TENM1: variants seen among roughly 807,000 people sequenced by gnomAD.
TENM1 encodes teneurin transmembrane protein 1.
TENM1 carries 35 observed loss-of-function variants against 174.8 expected under a neutral mutation model. That is an observed-to-expected ratio of 0.20 (90% CI 0.15 to 0.27). The LOEUF is 0.27. Among genes scored for constraint, TENM1 ranks in the 10% least tolerant of loss-of-function variants. The pLI is 1.00. For missense variants in TENM1, 1,633 were observed against 2,130.1 expected (o/e 0.77, Z 4.59); for synonymous variants, 781 against 798.7 (o/e 0.98, Z 0.37).
the TENM1 span, among the ~76,000 whole-genome samples, chrX:125,083,608 C>CA: frequency 2.7e-5 from 3 of 110,553 alleles, no homozygotes; most frequent in East Asian, 5.7e-4. Flanking sequence ...TGAAAGATGC[C>CA]AAAAAACATG....
At position 124,532,627 on chromosome X, in the gene TENM1, T is replaced by C. The variant is rs544402876; in HGVS notation, c.2652-2644A>G. 6.2e-5 allele frequency among the ~76,000 whole-genome samples: 7 copies of C among 112,140 alleles called. No homozygotes were observed. In the East Asian group the frequency reaches 2.0e-3, roughly 31 times the overall value. On this transcript the variant is annotated intron_variant, in intron 15 of 31. Transcript: ENST00000422452. ...CTGTTCTTCTTTTCATTCATTTCAC[T>C]CTTCATCACTCATAAATAATGCTCA... is the stretch of plus-strand genomic sequence containing the variant.
At chrX:124,625,741 CT>C (rs2050621744) in intron 11 of TENM1, among the ~76,000 whole-genome samples, 1 of 110,477 alleles carries the variant, frequency 9.1e-6, no homozygotes, top group Non-Finnish European at 1.9e-5. Context: ...AGGCTGCACA[CT>C]TTTAAACAAG....
the TENM1 span, among the ~76,000 whole-genome samples, chrX:125,074,801 T>G: frequency 1.8e-5 from 2 of 111,318 alleles, no homozygotes; most frequent in Non-Finnish European, 3.8e-5. Flanking sequence ...ACTATTTTCC[T>G]ATTATTTCTT....
intron 3 of TENM1, among the ~76,000 whole-genome samples, chrX:124,749,071 AT>A (rs950141089): frequency 9.0e-6 from 1 of 110,853 alleles, no homozygotes; most frequent in Non-Finnish European, 1.9e-5. Flanking sequence ...ATTATAGTTG[AT>A]TTTTTTTCAC....
At chrX:125,171,874 C>T in the TENM1 span, among the ~76,000 whole-genome samples, 4 of 111,993 alleles carry the variant, frequency 3.6e-5, no homozygotes, top group Non-Finnish European at 1.9e-5. Context: ...TTTGTTCATA[C>T]TTCAAGTTCT....
At chrX:125,165,370 T>C in the TENM1 span, among the ~76,000 whole-genome samples, 2 of 112,134 alleles carry the variant, frequency 1.8e-5, no homozygotes, top group South Asian at 7.4e-4. Flanking sequence ...CACATGTATA[T>C]GCAGATCTGA....
At chrX:125,070,124 G>A in the TENM1 span, among the ~76,000 whole-genome samples, 1 of 109,724 alleles carries the variant, frequency 9.1e-6, no homozygotes, top group Admixed American at 9.8e-5. Flanking sequence ...TTAAAAATTC[G>A]AGGCTGTAGT....
chrX:124,880,981 G>C (rs993687778), intron 3 of TENM1, among the ~76,000 whole-genome samples: 3 of 111,706 alleles, frequency 2.7e-5, no homozygotes, highest in Non-Finnish European at 5.6e-5. Context: ...AGGGATATTG[G>C]CCTATAGCTT....
intron 22 of TENM1, among the ~76,000 whole-genome samples, chrX:124,462,644 G>A (rs1212186842): frequency 9.0e-6 from 1 of 111,095 alleles, no homozygotes; most frequent in African/African-American, 3.3e-5. Context: ...TTGTTAATGT[G>A]AATTCTCCAA....
At chrX:124,568,822 A>G (rs933445037) in intron 11 of TENM1, among the ~76,000 whole-genome samples, 26 of 111,531 alleles carry the variant, frequency 2.3e-4, no homozygotes, top group Non-Finnish European at 4.5e-4. Context: ...CAATTATACT[A>G]GAGGGAGCTA....
intron 10 of TENM1, 21 bp from the exon 14 acceptor site, chrX:124,642,012 G>A (rs754102890): frequency 8.6e-7 from 1 of 1,159,970 alleles, no homozygotes; most frequent in Non-Finnish European, 1.2e-6. Context: ...AAAAAAGTGG[G>A]GGGGAGGGGT....
intron 5 of TENM1, among the ~76,000 whole-genome samples, chrX:124,693,366 T>C (rs965084270): frequency 3.6e-5 from 4 of 111,695 alleles, no homozygotes; most frequent in African/African-American, 1.3e-4. Flanking sequence ...TTTTTCTTCT[T>C]TGGGAACCAT....
chrX:124,831,789 C>CA (rs1157110659), intron 3 of TENM1, among the ~76,000 whole-genome samples: 41 of 102,563 alleles, frequency 4.0e-4, no homozygotes, highest in South Asian at 8.5e-4. Context: ...ATAGTGTGGA[C>CA]AAAAAAAAAA....
intron 11 of TENM1, among the ~76,000 whole-genome samples, chrX:124,640,420 C>T (rs1367143218): frequency 1.8e-5 from 2 of 111,706 alleles, no homozygotes; most frequent in East Asian, 5.6e-4. Flanking sequence ...AAAAGTCCCA[C>T]AGTGCTTCAA....
chrX:124,864,269 T>A (rs1486661662), intron 3 of TENM1, among the ~76,000 whole-genome samples: 1 of 111,984 alleles, frequency 8.9e-6, no homozygotes, highest in Non-Finnish European at 1.9e-5. Context: ...CAGAGACCAA[T>A]CTTGGAGAAA....
chrX:124,968,282 T>C (rs2058751019), upstream of TENM1, among the ~76,000 whole-genome samples: 1 of 112,340 alleles, frequency 8.9e-6, no homozygotes, highest in African/African-American at 3.2e-5. Flanking sequence ...CATTTCAACT[T>C]AAACTTCAGT....
chrX:124,633,505 G>C (rs986485354), intron 11 of TENM1, among the ~76,000 whole-genome samples: 3 of 111,449 alleles, frequency 2.7e-5, no homozygotes, highest in Non-Finnish European at 5.7e-5. Flanking sequence ...ATGGTATAAC[G>C]TGTGGTTTTA....
the TENM1 span, among the ~76,000 whole-genome samples, chrX:124,977,979 A>T: frequency 0.12 from 6,371 of 53,601 alleles, 394 homozygotes; most frequent in Non-Finnish European, 0.15. Flanking sequence ...AGAGAGAGAG[A>T]GAGAGAGAGA....
chrX:124,554,280 C>A (rs1275466496), intron 14 of TENM1, among the ~76,000 whole-genome samples: 3 of 112,258 alleles, frequency 2.7e-5, no homozygotes, highest in Non-Finnish European at 5.6e-5. Flanking sequence ...TTATTGCCCA[C>A]TTTAAATGAC....
Sources: allele counts gnomAD v4.1 joint callset (sites outside exome capture counted in the v4.1 genomes callset), GRCh38; gene constraint gnomAD v4.1.1; transcripts MANE v1.5; gene names NCBI Gene and HGNC (gene_info 2026-07-23, HGNC 2026-07-21).